Variants in PHAX observed in about 807,000 individuals in gnomAD.
The protein encoded by PHAX is phosphorylated adapter RNA export protein.
Under a neutral mutation model 41.6 loss-of-function variants are expected in PHAX, and 31 were observed. That is an observed-to-expected ratio of 0.75 (90% CI 0.56 to 1.01). The LOEUF (loss-of-function observed/expected upper bound fraction) is 1.01. Ranked by LOEUF, PHAX falls within the 50% of genes least tolerant of loss-of-function variation. The pLI, the probability that PHAX is intolerant of heterozygous loss-of-function variation, is 0.00. For missense variants in PHAX, 453 were observed against 472.9 expected (o/e 0.96, Z 0.39); for synonymous variants, 175 against 164.9 (o/e 1.06, Z -0.47).
chr5:126,601,074 G>C lies in PHAX; in HGVS notation c.96+16G>C. 6.3e-7 allele frequency: 1 copy of C among 1,584,972 alleles called. No individual in the cohort carries two copies. The highest frequency in any genetic ancestry group is 8.6e-7 in the Non-Finnish European group (1 of 1,160,346). On this transcript the variant is annotated intron_variant, in intron 1 of 4. Transcript: ENST00000297540. ...GCAATTGCCAGTGAGTGTGAAAGGAGGGTGGGTGATCGTGGCTGGGCGCGC... is the reference window on the plus strand; with the variant it reads ...GCAATTGCCAGTGAGTGTGAAAGGACGGTGGGTGATCGTGGCTGGGCGCGC...
In PHAX at chr5:126,608,439, G is replaced by C. The variant is rs61747690; in HGVS notation, c.786G>C (p.Leu262=). Residue 262 remains leucine (L), a synonymous_variant, in exon 3 of 5, where the codon CTG becomes CTC. Coordinates refer to ENST00000297540, the MANE Select transcript of PHAX (RefSeq NM_032177.4). ...IIGNKKAIEL[L]METAEVEQNG... ...GTAACAAAAAGGCAATTGAACTTCT[G>C]ATGGAAACCGCTGAAGTTGAACAAA... The C allele has an allele frequency of 6.3e-3, 10,197 of 1,613,912 alleles. 452 individuals are homozygous for C. The African/African-American group carries it at 0.11, about 17-fold the overall frequency.
At chr5:126,615,039 C>T (rs1752162814) in intron 3 of PHAX, among the ~76,000 whole-genome samples, 1 of 152,142 alleles carries the variant, frequency 6.6e-6, no homozygotes. Flanking sequence ...GCGTGAGCCA[C>T]CGTACCCGGC....
chr5:126,618,067 C>A (rs1752215803), intron 4 of PHAX, among the ~76,000 whole-genome samples: 1 of 152,088 alleles, frequency 6.6e-6, no homozygotes, highest in African/African-American at 2.4e-5. Flanking sequence ...AGTCCTCCCA[C>A]CTCAGCCTCC....
At chr5:126,609,254 C>T (rs1220880602) in intron 3 of PHAX, among the ~76,000 whole-genome samples, 1 of 151,730 alleles carries the variant, frequency 6.6e-6, no homozygotes, top group Non-Finnish European at 1.5e-5. Flanking sequence ...GCATGCACCA[C>T]CACACCCGGC....
intron 4 of PHAX, among the ~76,000 whole-genome samples, chr5:126,619,213 C>T (rs1163519418): frequency 6.6e-6 from 1 of 152,166 alleles, no homozygotes; most frequent in East Asian, 1.9e-4. Flanking sequence ...AGGTGTTAGC[C>T]ACCTTGCCTG....
intron 2 of PHAX, among the ~76,000 whole-genome samples, chr5:126,605,084 A>G (rs1013174889): frequency 2.6e-5 from 4 of 151,870 alleles, no homozygotes; most frequent in African/African-American, 9.7e-5. Context: ...GCTGGTGTCA[A>G]ACTCCTGGGA....
chr5:126,611,073 G>A (rs1752088730), intron 3 of PHAX, among the ~76,000 whole-genome samples: 1 of 110,406 alleles, frequency 9.1e-6, no homozygotes, highest in African/African-American at 4.1e-5. Flanking sequence ...TGTTTGTTTT[G>A]AGATGTAGTT....
At chr5:126,614,947 A>G (rs1752161123) in intron 3 of PHAX, among the ~76,000 whole-genome samples, 1 of 151,998 alleles carries the variant, frequency 6.6e-6, no homozygotes. Flanking sequence ...AATAGAAACA[A>G]GGTTTCACCA....
In PHAX at chr5:126,609,793, G is replaced by A. The variant is rs925692791; in HGVS notation, c.831+1309G>A. ...CTCACTCTGTCGCCCAGGCTGGAGT[G>A]CAGTGGCACGATCTCAGCTCACTGA... On this transcript the variant is annotated intron_variant, in intron 3 of 4. Coordinates refer to ENST00000297540, the MANE Select transcript of PHAX (RefSeq NM_032177.4). Among the ~76,000 whole-genome samples the A allele has an allele frequency of 2.0e-5, 3 of 151,860 alleles. No individual in the cohort carries two copies. In the East Asian group the frequency reaches 5.8e-4, roughly 29 times the overall value.
Position 126,603,793 on chromosome 5 carries a change from C to G in PHAX, c.320C>G (p.Pro107Arg). ...TTTGGCCAGAGCAGTCAGAAACCACCTGTTGCTGGAGGAAAGAAGATTAAC... is the reference window on the plus strand; with the variant it reads ...TTTGGCCAGAGCAGTCAGAAACCACGTGTTGCTGGAGGAAAGAAGATTAAC... ...FQFGQSSQKP[P>R]VAGGKKINNI... is the part of the protein sequence containing the mutation. Residue 107 changes from proline to arginine, a missense_variant, in exon 2 of 5, where the codon CCT becomes CGT. Pro to Arg is a moderately radical substitution (Grantham distance 103, BLOSUM62 -2). Transcript: ENST00000297540. 1.2e-6 allele frequency: 2 copies of G among 1,614,158 alleles called. No individual in the cohort carries two copies. Among genetic ancestry groups the G allele is most frequent in the Middle Eastern group, 1.7e-4 (1 of 6,056 alleles).
chr5:126,606,474 G>A (rs1026161502), intron 2 of PHAX, among the ~76,000 whole-genome samples: 1 of 152,102 alleles, frequency 6.6e-6, no homozygotes, highest in Admixed American at 6.5e-5. Flanking sequence ...AAGCCACTGT[G>A]CCCAGCCAAT....
intron 4 of PHAX, among the ~76,000 whole-genome samples, chr5:126,624,094 T>C (rs190190400): frequency 6.7e-6 from 1 of 149,764 alleles, no homozygotes; most frequent in African/African-American, 2.5e-5. Flanking sequence ...CTGCAACCTC[T>C]GTCTCCTGGG....
chr5:126,601,650 C>G, intron 1 of PHAX, among the ~76,000 whole-genome samples: 1 of 152,130 alleles, frequency 6.6e-6, no homozygotes, highest in East Asian at 1.9e-4. Context: ...TGGCACTAGG[C>G]TTTTGCATTA....
At chr5:126,622,255 T>C (rs1050025696) in intron 4 of PHAX, among the ~76,000 whole-genome samples, 9 of 152,076 alleles carry the variant, frequency 5.9e-5, no homozygotes, top group Non-Finnish European at 1.0e-4. Flanking sequence ...TGCCTCAGCC[T>C]CCCAAGTAGC....
intron 3 of PHAX, among the ~76,000 whole-genome samples, chr5:126,609,149 G>A (rs1025485466): frequency 4.6e-5 from 6 of 129,438 alleles, no homozygotes; most frequent in African/African-American, 9.3e-5. Context: ...CGCCCAGACT[G>A]GAGTGCAGTG....
chr5:126,618,061 C>G (rs1484544601), intron 4 of PHAX, among the ~76,000 whole-genome samples: 1 of 152,076 alleles, frequency 6.6e-6, no homozygotes, highest in Non-Finnish European at 1.5e-5. Context: ...TCAAGTAGTC[C>G]TCCCACCTCA....
intron 1 of PHAX, among the ~76,000 whole-genome samples, chr5:126,602,353 C>A (rs1320706606): frequency 6.6e-6 from 1 of 152,250 alleles, no homozygotes; most frequent in Non-Finnish European, 1.5e-5. Context: ...ATCCTGGGGC[C>A]ACCGATGTGT....
chr5:126,609,182 C>A (rs932165090), intron 3 of PHAX, among the ~76,000 whole-genome samples: 7 of 144,286 alleles, frequency 4.9e-5, no homozygotes, highest in African/African-American at 1.8e-4. Context: ...CTCACTGCAA[C>A]CTCCGCCTCC....
In PHAX at chr5:126,624,733, G is replaced by T; in HGVS notation, c.1074G>T (p.Thr358=). ...CACGAGAAACTTTTGCAAGTGACAC[G>T]AATGAGGCCTTGGCCTCTCTTGATG... ...DTSRETFASD[T]NEALASLDES... Residue 358 remains threonine, a synonymous_variant, in exon 5 of 5, where the codon ACG becomes ACT. Transcript: ENST00000297540. The T allele has an allele frequency of 6.2e-7, 1 of 1,614,150 alleles. No homozygotes were observed. The highest frequency in any genetic ancestry group is 8.5e-7 in the Non-Finnish European group (1 of 1,180,008).
Sources: allele counts gnomAD v4.1 joint callset (sites outside exome capture counted in the v4.1 genomes callset), GRCh38; gene constraint gnomAD v4.1.1; transcripts MANE v1.5; gene names NCBI Gene and HGNC (gene_info 2026-07-23, HGNC 2026-07-21).